The following ECM2 variants were observed in gnomAD, a reference collection of about 807,000 sequenced individuals.
ECM2 encodes the protein extracellular matrix protein 2, female organ and adipocyte specific.
ECM2 carries 57 observed loss-of-function variants against 67.5 expected under a neutral mutation model. The ratio of observed to expected loss-of-function variants is 0.84; its 90% CI spans 0.68 to 1.05. The LOEUF (loss-of-function observed/expected upper bound fraction) is 1.05, where lower values mean the gene tolerates loss of function less well. Among genes scored for constraint, ECM2 ranks in the 50% least tolerant of loss-of-function variants. The pLI is 0.00. For missense variants in ECM2, 741 were observed against 822.8 expected (o/e 0.90, Z 1.22); for synonymous variants, 258 against 294.5 (o/e 0.88, Z 1.27).
At position 92,514,844 on chromosome 9, in the gene ECM2, C is replaced by T; in HGVS notation, c.841G>A (p.Glu281Lys). Reference protein sequence around the residue: ...EEEDEEEEGEEGEEDEEDEED... With the variant: ...EEEDEEEEGEKGEEDEEDEED... ...TCGTCCTCCTCATCCTCCTCACCCT[C>T]CTCACCCTCCTCCTCCTCATCCTCC... Residue 281 changes from glutamate (E) to lysine (K), a missense_variant, in exon 4 of 10, where the codon GAG becomes AAG. Glu to Lys is a moderately conservative substitution (Grantham distance 56). Coordinates refer to ENST00000344604, the MANE Select transcript of ECM2 (RefSeq NM_001393.4). 1.2e-6 allele frequency: 2 copies of T among 1,612,670 alleles called. No homozygotes were observed. The highest frequency in any genetic ancestry group is 1.7e-6 in the Non-Finnish European group (2 of 1,179,324).
chr9:92,548,267 C>A, the ECM2 span, among the ~76,000 whole-genome samples: 1 of 152,276 alleles, frequency 6.6e-6, no homozygotes, highest in Non-Finnish European at 1.5e-5. Context: ...CTGGTACTTT[C>A]TCTGCTCAAT....
the ECM2 span, among the ~76,000 whole-genome samples, chr9:92,549,664 C>A: frequency 0.037 from 5,318 of 144,746 alleles, 173 homozygotes; most frequent in South Asian, 0.078. Context: ...AAAAACAAAA[C>A]AAAACAAAAC....
Position 92,495,886 on chromosome 9 carries a change from T to C in ECM2, c.*429A>G, listed in dbSNP as rs908839648. ...TTGTTTTAATAATAAACAACACTTA[T>C]TCATAAATTCTGCCTGCTTTTTTTG... On this transcript the variant is annotated 3_prime_UTR_variant, in exon 10 of 10. Coordinates refer to ENST00000344604, the MANE Select transcript of ECM2 (RefSeq NM_001393.4). The C allele has an allele frequency of 5.1e-6, 5 of 982,390 alleles. No homozygotes were observed. Among genetic ancestry groups the C allele is most frequent in the South Asian group, 4.7e-5 (1 of 21,228 alleles). 60.9% of individuals were successfully genotyped at this position (982,390 alleles called of 1,614,324 possible).
chr9:92,533,172 C>T (rs1392396427), intron 1 of ECM2, among the ~76,000 whole-genome samples: 3 of 149,862 alleles, frequency 2.0e-5, no homozygotes, highest in Non-Finnish European at 4.5e-5. Flanking sequence ...TGGTGGCACG[C>T]GCGTGTAGTC....
At chr9:92,503,261 T>C (rs1343624905) in intron 7 of ECM2, among the ~76,000 whole-genome samples, 2 of 152,186 alleles carry the variant, frequency 1.3e-5, no homozygotes, top group African/African-American at 4.8e-5. Context: ...ATTATCTCAT[T>C]TGGGCTTAAA....
chr9:92,527,226 G>A (rs773907505), intron 1 of ECM2, among the ~76,000 whole-genome samples: 11 of 152,084 alleles, frequency 7.2e-5, no homozygotes, highest in Non-Finnish European at 1.6e-4. Flanking sequence ...GCCCAGGCAG[G>A]TCTCAAACTC....
chr9:92,498,534 T>C (rs937568160), intron 9 of ECM2, among the ~76,000 whole-genome samples: 48 of 152,056 alleles, frequency 3.2e-4, no homozygotes, highest in Admixed American at 1.4e-3. Flanking sequence ...ACTTTGGAAT[T>C]AAAAATATTT....
the ECM2 span, among the ~76,000 whole-genome samples, chr9:92,553,504 T>G: frequency 6.6e-6 from 1 of 152,186 alleles, no homozygotes; most frequent in Non-Finnish European, 1.5e-5. Context: ...GGCAGTATGA[T>G]CATTTCCACA....
At chr9:92,556,986 T>G in the ECM2 span, among the ~76,000 whole-genome samples, 422 of 152,358 alleles carry the variant, frequency 2.8e-3, 1 homozygote, top group African/African-American at 9.7e-3. Flanking sequence ...TGTTTCAAGA[T>G]TTAGAGTTTC....
At chr9:92,547,000 A>C in the ECM2 span, among the ~76,000 whole-genome samples, 2 of 152,226 alleles carry the variant, frequency 1.3e-5, no homozygotes, top group East Asian at 1.9e-4. Flanking sequence ...TTTGCAGGTC[A>C]GTCTCACTAA....
At chr9:92,538,823 C>T (rs1217921094), upstream of ECM2, among the ~76,000 whole-genome samples, 11 of 152,176 alleles carry the variant, frequency 7.2e-5, no homozygotes, top group Non-Finnish European at 1.5e-4. Context: ...GAGCATTACC[C>T]GTGCCACAGG....
the ECM2 span, among the ~76,000 whole-genome samples, chr9:92,552,885 G>A: frequency 6.6e-6 from 1 of 151,504 alleles, no homozygotes; most frequent in East Asian, 1.9e-4. Flanking sequence ...ATTTGCTTTT[G>A]GGTTCTTGGT....
At chr9:92,541,474 C>T (rs1849319704), upstream of ECM2, among the ~76,000 whole-genome samples, 1 of 145,752 alleles carries the variant, frequency 6.9e-6, no homozygotes, top group African/African-American at 2.5e-5. Context: ...GATTCCCCTG[C>T]CTCAGCCTCC....
chr9:92,523,726 C>T (rs1848216425), intron 1 of ECM2, among the ~76,000 whole-genome samples: 3 of 152,292 alleles, frequency 2.0e-5, no homozygotes, highest in East Asian at 3.9e-4. Flanking sequence ...CTAGTAGGAG[C>T]GGGCTTAACT....
chr9:92,519,549 T>C (rs1218417282), intron 2 of ECM2, among the ~76,000 whole-genome samples: 2 of 152,138 alleles, frequency 1.3e-5, no homozygotes, highest in African/African-American at 4.8e-5. Flanking sequence ...GTCAAGACCA[T>C]TCAGTGGAGG....
chr9:92,511,138 T>C (rs1374365135), intron 5 of ECM2, among the ~76,000 whole-genome samples: 1 of 152,216 alleles, frequency 6.6e-6, no homozygotes, highest in Non-Finnish European at 1.5e-5. Context: ...CTCCTTTTTG[T>C]TGTTTGAGAC....
At chr9:92,506,088 T>C (rs1215350935) in intron 6 of ECM2, among the ~76,000 whole-genome samples, 1 of 152,140 alleles carries the variant, frequency 6.6e-6, no homozygotes, top group African/African-American at 2.4e-5. Flanking sequence ...TGGACAGTCA[T>C]TGGAAACATT....
chr9:92,501,078 G>C, intron 8 of ECM2, 25 bp from the exon 9 acceptor site: 1 of 1,601,946 alleles, frequency 6.2e-7, no homozygotes. Flanking sequence ...AAAGTAAACA[G>C]GGTAGGGACA....
chr9:92,511,617 C>CA (rs1054055464), intron 5 of ECM2, among the ~76,000 whole-genome samples: 2 of 151,688 alleles, frequency 1.3e-5, no homozygotes, highest in African/African-American at 2.4e-5. Flanking sequence ...ATTGCACACA[C>CA]AAAAAAAGGA....
Sources: allele counts gnomAD v4.1 joint callset (sites outside exome capture counted in the v4.1 genomes callset), GRCh38; gene constraint gnomAD v4.1.1; transcripts MANE v1.5; gene names NCBI Gene and HGNC (gene_info 2026-07-23, HGNC 2026-07-21).